MAP3K9: variants seen among roughly 807,000 people sequenced by gnomAD.
MAP3K9 encodes mixed lineage kinase 1 (tyr and ser/thr specificity).
MAP3K9 carries 46 observed loss-of-function variants against 95.8 expected under a neutral mutation model. The ratio of observed to expected loss-of-function variants is 0.48; its 90% CI spans 0.38 to 0.61. MAP3K9 has a LOEUF of 0.61. MAP3K9 is among the 20% of genes least tolerant of loss of function. MAP3K9 has a pLI of 0.00. For missense variants in MAP3K9, 1,296 were observed against 1,474.3 expected, an observed-to-expected ratio of 0.88 and a Z score of 1.98; for synonymous variants, 533 against 593.8, an observed-to-expected ratio of 0.90 and a Z score of 1.49.
chr14:70,736,071 A>T lies in MAP3K9; in HGVS notation c.1845-42T>A, dbSNP rs201511111. ...GAATCAGTAGCAGGCAATGGAGGGCACATCCAGCTCAGCCTCTCCCACACC... is the reference window on the plus strand; with the variant it reads ...GAATCAGTAGCAGGCAATGGAGGGCTCATCCAGCTCAGCCTCTCCCACACC... On this transcript the variant is annotated intron_variant, in intron 8 of 11. Coordinates refer to ENST00000554752, the MANE Select transcript of MAP3K9 (RefSeq NM_001284230.2). 3 of 1,367,980 alleles carry T rather than the reference A, an allele frequency of 2.2e-6. No individual in the cohort carries two copies. In the Admixed American group the frequency reaches 5.0e-5, roughly 23 times the overall value. The allele number at this position is 1,367,980 out of a possible 1,614,324, so 84.7% of individuals were successfully genotyped here. A position where few individuals can be genotyped will look rare whatever the true frequency, so the allele number is the denominator to read the frequency against.
In MAP3K9 at chr14:70,784,238, G is replaced by A. The variant is rs555864296; in HGVS notation, c.820+16429C>T. Among the ~76,000 whole-genome samples the A allele has an allele frequency of 9.2e-5, 14 of 151,972 alleles. No individual in the cohort carries two copies. The East Asian group carries it at 1.7e-3, about 19-fold the overall frequency. On this transcript the variant is annotated intron_variant, in intron 2 of 11. Coordinates refer to ENST00000554752, the MANE Select transcript of MAP3K9 (RefSeq NM_001284230.2). ...GTGGAGGCTGCAGCAAGCTGAGATC[G>A]CGCCACTGCACTCCAGCCTGGGAAA...
chr14:70,756,472 T>C (rs2054300415), intron 3 of MAP3K9, among the ~76,000 whole-genome samples: 1 of 152,212 alleles, frequency 6.6e-6, no homozygotes, highest in Admixed American at 6.5e-5. Flanking sequence ...CCTTCCTGTC[T>C]TCCATAGTGG....
intron 3 of MAP3K9, among the ~76,000 whole-genome samples, chr14:70,752,555 C>G (rs898171339): frequency 6.6e-6 from 1 of 152,122 alleles, no homozygotes; most frequent in Non-Finnish European, 1.5e-5. Context: ...ACCAAGTGAC[C>G]TCCAGGAACT....
In MAP3K9 at chr14:70,730,166, C is replaced by A; in HGVS notation, c.*214G>T. The A allele has an allele frequency of 1.6e-6, 1 of 637,770 alleles. No individual in the cohort carries two copies. Among genetic ancestry groups the A allele is most frequent in the Non-Finnish European group, 2.6e-6 (1 of 383,892 alleles). The allele number at this position is 637,770 out of a possible 1,614,324, so 39.5% of individuals were successfully genotyped here. Reference sequence around the variant, plus strand: ...CCCCTACACAGCCAGAGCTGATGGCCACAGCCCCTCCAGTGGACACGGGTA... The same window carrying A: ...CCCCTACACAGCCAGAGCTGATGGCAACAGCCCCTCCAGTGGACACGGGTA... On this transcript the variant is annotated 3_prime_UTR_variant, in exon 12 of 12. Transcript: ENST00000554752.
In MAP3K9 at chr14:70,809,205, C is replaced by A; in HGVS notation, c.-34G>T. The A allele has an allele frequency of 7.8e-7, 1 of 1,286,022 alleles. No individual in the cohort carries two copies. Among genetic ancestry groups the A allele is most frequent in the East Asian group, 3.1e-5 (1 of 31,810 alleles). The allele number at this position is 1,286,022 out of a possible 1,614,324, so 79.7% of individuals were successfully genotyped here. ...CGATCCATAGGGTGCGGGGCCGCCGCCGCCCGCAGGAGCCGCCGCCGCCTA... is the reference window on the plus strand; with the variant it reads ...CGATCCATAGGGTGCGGGGCCGCCGACGCCCGCAGGAGCCGCCGCCGCCTA... On this transcript the variant is annotated 5_prime_UTR_variant, in exon 1 of 12. Coordinates refer to ENST00000554752, the MANE Select transcript of MAP3K9 (RefSeq NM_001284230.2).
chr14:70,749,386 T>C lies in MAP3K9; in HGVS notation c.1151-382A>G, dbSNP rs146875153. 3.1e-3 allele frequency among the ~76,000 whole-genome samples: 477 copies of C among 152,246 alleles called. 1 individual carries two copies. Among genetic ancestry groups the C allele is most frequent in the Non-Finnish European group, 5.3e-3 (360 of 68,004 alleles). On this transcript the variant is annotated intron_variant, in intron 4 of 11. Transcript: ENST00000554752. ...TGGGCTTCAGTTTCCCATAAATAAATGAATTAGCCTTCCCCCACCCACAAT... is the reference window on the plus strand; with the variant it reads ...TGGGCTTCAGTTTCCCATAAATAAACGAATTAGCCTTCCCCCACCCACAAT...
At chr14:70,775,704 CAGAAG>C (rs2054589073) in intron 2 of MAP3K9, among the ~76,000 whole-genome samples, 2 of 152,160 alleles carry the variant, frequency 1.3e-5, no homozygotes, top group African/African-American at 4.8e-5. Context: ...GTGTTTAGAA[CAGAAG>C]AGAACTGGAA....
intron 7 of MAP3K9, 55 bp from the exon 8 acceptor site, chr14:70,738,453 C>A: frequency 6.5e-7 from 1 of 1,533,632 alleles, no homozygotes; most frequent in Non-Finnish European, 9.0e-7. Context: ...AGGGCTCCCC[C>A]AAACTAGCCT....
chr14:70,786,442 A>T (rs1191384898), intron 2 of MAP3K9, among the ~76,000 whole-genome samples: 1 of 152,146 alleles, frequency 6.6e-6, no homozygotes, highest in Non-Finnish European at 1.5e-5. Flanking sequence ...TTCTTCCTAA[A>T]AATTGTACCA....
chr14:70,793,597 G>C (rs1455742763), intron 2 of MAP3K9, among the ~76,000 whole-genome samples: 7 of 152,206 alleles, frequency 4.6e-5, no homozygotes, highest in Non-Finnish European at 1.0e-4. Context: ...CCATGGGTAA[G>C]AGAAAGGGAA....
chr14:70,761,518 T>G (rs960136318), intron 2 of MAP3K9, among the ~76,000 whole-genome samples: 1 of 152,168 alleles, frequency 6.6e-6, no homozygotes, highest in South Asian at 2.1e-4. Flanking sequence ...ATCCCAGCAT[T>G]TGGGGAGGCC....
At chr14:70,759,094 G>A (rs1421822579) in intron 3 of MAP3K9, among the ~76,000 whole-genome samples, 1 of 152,202 alleles carries the variant, frequency 6.6e-6, no homozygotes, top group Non-Finnish European at 1.5e-5. Flanking sequence ...GTAGAAGGGG[G>A]AAGGATTAGG....
chr14:70,736,521 TAA>T (rs915035259), intron 8 of MAP3K9, among the ~76,000 whole-genome samples: 2 of 152,166 alleles, frequency 1.3e-5, no homozygotes, highest in African/African-American at 4.8e-5. Flanking sequence ...CAATAGGAAC[TAA>T]GACTCATGAA....
At chr14:70,782,236 T>C (rs977757626) in intron 2 of MAP3K9, among the ~76,000 whole-genome samples, 1 of 152,182 alleles carries the variant, frequency 6.6e-6, no homozygotes, top group Admixed American at 6.5e-5. Flanking sequence ...GGAAGTGACC[T>C]CTATGTTATG....
At chr14:70,732,502 A>G (rs369339567) in intron 11 of MAP3K9, 37 bp downstream of exon 11, 64 of 1,512,834 alleles carry the variant, frequency 4.2e-5, no homozygotes, top group Non-Finnish European at 9.7e-6. Context: ...CTGAGGAGGC[A>G]CAAAGAAAGG....
At chr14:70,750,160 G>A (rs2054205207) in intron 3 of MAP3K9, 79 bp from the exon 4 acceptor site, 8 of 1,254,028 alleles carry the variant, frequency 6.4e-6, no homozygotes, top group Non-Finnish European at 8.0e-6. Context: ...TCTTTTCTGA[G>A]CATCCCACAT....
In MAP3K9 at chr14:70,809,331, G is replaced by T; in HGVS notation, c.-160C>A. ...GGGCTGGGAGAGCCGGCTCGCCGGCGCTGTTACCGCGGTACGAGAAGAGCG... is the reference window on the plus strand; with the variant it reads ...GGGCTGGGAGAGCCGGCTCGCCGGCTCTGTTACCGCGGTACGAGAAGAGCG... On this transcript the variant is annotated 5_prime_UTR_variant, in exon 1 of 12. Coordinates refer to ENST00000554752, the MANE Select transcript of MAP3K9 (RefSeq NM_001284230.2). 1 of 933,088 alleles carries T rather than the reference G, an allele frequency of 1.1e-6. No homozygotes were observed. The highest frequency in any genetic ancestry group is 1.4e-6 in the Non-Finnish European group (1 of 715,112). The allele number at this position is 933,088 out of a possible 1,614,324, so 57.8% of individuals were successfully genotyped here.
chr14:70,738,979 A>G (rs2054026087), intron 7 of MAP3K9, among the ~76,000 whole-genome samples: 1 of 152,180 alleles, frequency 6.6e-6, no homozygotes, highest in South Asian at 2.1e-4. Context: ...TATATCATAA[A>G]CGAGCAAACT....
chr14:70,765,293 G>A, intron 2 of MAP3K9: 1 of 380,900 alleles, frequency 2.6e-6, no homozygotes. Context: ...TTGCACCACT[G>A]CACTCCAGCC....
Sources: allele counts gnomAD v4.1 joint callset (sites outside exome capture counted in the v4.1 genomes callset), GRCh38; gene constraint gnomAD v4.1.1; transcripts MANE v1.5; gene names NCBI Gene and HGNC (gene_info 2026-07-23, HGNC 2026-07-21).